Variants in TEX11 observed in about 807,000 individuals in gnomAD.
The protein encoded by TEX11 is testis expressed 11.
A neutral mutation model predicts 84.4 loss-of-function variants in TEX11; 7 were observed. The ratio of observed to expected loss-of-function variants is 0.08; its 90% CI spans 0.05 to 0.16. TEX11 has a LOEUF of 0.16. Ranked by LOEUF, TEX11 falls within the 10% of genes least tolerant of loss-of-function variation. The pLI is 1.00. For missense variants in TEX11, 551 were observed against 660.5 expected, an observed-to-expected ratio of 0.83 and a Z score of 1.82; for synonymous variants, 264 against 222.8, an observed-to-expected ratio of 1.18 and a Z score of -1.64.
At chrX:70,874,376 T>A (rs1055052469) in intron 3 of TEX11, among the ~76,000 whole-genome samples, 1 of 106,311 alleles carries the variant, frequency 9.4e-6, no homozygotes, top group African/African-American at 3.4e-5. Context: ...AATGCCACAG[T>A]TGATCAAATG....
At chrX:70,714,860 G>A (rs549217179) in intron 13 of TEX11, among the ~76,000 whole-genome samples, 138 of 111,498 alleles carry the variant, frequency 1.2e-3, no homozygotes, top group African/African-American at 4.1e-3. Context: ...TATTTTGCTC[G>A]TTAGTTGAGG....
At chrX:70,613,003 A>G (rs1257419025) in intron 20 of TEX11, among the ~76,000 whole-genome samples, 1 of 112,204 alleles carries the variant, frequency 8.9e-6, no homozygotes, top group Non-Finnish European at 1.9e-5. Flanking sequence ...GAAACCACAC[A>G]AAAAAGAAGA....
rs1318178315 is a variant in TEX11 at position 70,601,879 on chromosome X, A to G, written c.2067+3522T>C. ...TAAGGTCACAGATCAACAGGATCCC[A>G]AGGCAGAAGAATTTCTCTTAGTACA... On this transcript the variant is annotated intron_variant, in intron 24 of 29. Coordinates refer to ENST00000374333, the MANE Select transcript of TEX11 (RefSeq NM_031276.3). Among the ~76,000 whole-genome samples, 10 of 109,629 alleles carry G rather than the reference A, an allele frequency of 9.1e-5. No homozygotes were observed. The East Asian group carries it at 2.9e-3, about 32-fold the overall frequency.
chrX:70,708,560 A>G (rs1037714315), intron 13 of TEX11, among the ~76,000 whole-genome samples: 1 of 111,871 alleles, frequency 8.9e-6, no homozygotes, highest in African/African-American at 3.2e-5. Flanking sequence ...GTGTCCCTCA[A>G]TGGTGGATTG....
chrX:70,719,447 TG>T (rs2090536458), intron 13 of TEX11, among the ~76,000 whole-genome samples: 1 of 111,853 alleles, frequency 8.9e-6, no homozygotes, highest in Non-Finnish European at 1.9e-5. Flanking sequence ...TATGCTTCAC[TG>T]GGCATTATTA....
intron 25 of TEX11, among the ~76,000 whole-genome samples, chrX:70,570,584 A>T (rs1483056383): frequency 8.9e-6 from 1 of 111,875 alleles, no homozygotes; most frequent in Non-Finnish European, 1.9e-5. Flanking sequence ...TTTCTTATAT[A>T]TTTGGAATAA....
At chrX:70,851,934 T>A (rs1159583700) in intron 7 of TEX11, among the ~76,000 whole-genome samples, 1 of 111,810 alleles carries the variant, frequency 8.9e-6, no homozygotes, top group Non-Finnish European at 1.9e-5. Context: ...GGCATATCTA[T>A]AGAAACAGAA....
At chrX:70,805,404 T>C (rs1337220883) in intron 9 of TEX11, among the ~76,000 whole-genome samples, 1 of 109,558 alleles carries the variant, frequency 9.1e-6, no homozygotes, top group East Asian at 2.9e-4. Context: ...CCATTTTTTT[T>C]TCTTTTTTTT....
intron 9 of TEX11, among the ~76,000 whole-genome samples, chrX:70,759,957 T>C (rs2090897487): frequency 9.0e-6 from 1 of 111,604 alleles, no homozygotes; most frequent in South Asian, 3.8e-4. Context: ...ACAAGCATTC[T>C]TATACACCAA....
intron 11 of TEX11, among the ~76,000 whole-genome samples, chrX:70,735,472 T>G (rs1305591616): frequency 8.9e-6 from 1 of 112,184 alleles, no homozygotes; most frequent in African/African-American, 3.2e-5. Context: ...ATTAATGGCA[T>G]TTCTATATAC....
At chrX:70,785,660 A>T (rs2091073644) in intron 9 of TEX11, among the ~76,000 whole-genome samples, 1 of 112,462 alleles carries the variant, frequency 8.9e-6, no homozygotes, top group African/African-American at 3.2e-5. Flanking sequence ...TGGGTGAAGG[A>T]TATGAACAGA....
At chrX:70,729,927 C>T (rs1364769025) in intron 11 of TEX11, among the ~76,000 whole-genome samples, 1 of 112,161 alleles carries the variant, frequency 8.9e-6, no homozygotes, top group African/African-American at 3.2e-5. Context: ...GGGTTACCCA[C>T]AAGGGGAAGT....
intron 4 of TEX11, among the ~76,000 whole-genome samples, chrX:70,871,074 G>A (rs143512600): frequency 6.3e-4 from 70 of 111,910 alleles, no homozygotes; most frequent in African/African-American, 2.1e-3. Context: ...CACCATGCCC[G>A]ACTAATTTTT....
At chrX:70,838,805 C>T (rs1041443289) in intron 7 of TEX11, among the ~76,000 whole-genome samples, 4 of 112,283 alleles carry the variant, frequency 3.6e-5, no homozygotes, top group African/African-American at 9.7e-5. Context: ...GCTTTTCCAA[C>T]GGGCTTAAAA....
chrX:70,733,899 C>A (rs771016059), intron 11 of TEX11, among the ~76,000 whole-genome samples: 1 of 111,623 alleles, frequency 9.0e-6, no homozygotes, highest in East Asian at 2.8e-4. Flanking sequence ...GACTTGGAAC[C>A]AACCCAAATG....
At chrX:70,670,995 A>G (rs1364859815) in intron 15 of TEX11, among the ~76,000 whole-genome samples, 1 of 111,675 alleles carries the variant, frequency 9.0e-6, no homozygotes, top group East Asian at 2.8e-4. Context: ...TTTTGTACAT[A>G]TTAATCTATG....
At chrX:70,703,830 G>T (rs1304181191) in intron 13 of TEX11, among the ~76,000 whole-genome samples, 1 of 111,737 alleles carries the variant, frequency 8.9e-6, no homozygotes, top group Non-Finnish European at 1.9e-5. Context: ...GCCTGGGTTT[G>T]GATCCTTGCT....
At chrX:70,838,147 G>A (rs749469381) in intron 7 of TEX11, among the ~76,000 whole-genome samples, 19 of 111,966 alleles carry the variant, frequency 1.7e-4, no homozygotes, top group East Asian at 1.1e-3. Flanking sequence ...GGCCAGGCAC[G>A]GTAGCTCACA....
intron 20 of TEX11, among the ~76,000 whole-genome samples, chrX:70,623,041 C>T (rs2089412676): frequency 8.9e-6 from 1 of 111,807 alleles, no homozygotes; most frequent in Non-Finnish European, 1.9e-5. Context: ...ATTTATGAAG[C>T]CTATAAAGAA....
Sources: gnomAD v4.1 joint callset for allele counts (sites outside exome capture counted in the v4.1 genomes callset) on GRCh38, gnomAD v4.1.1 for gene constraint, MANE v1.5 for transcripts, NCBI Gene and HGNC (gene_info 2026-07-23, HGNC 2026-07-21) for gene names.